GPR158: variants seen among roughly 807,000 people sequenced by gnomAD.
GPR158 encodes the protein metabotropic glycine receptor.
Under a neutral mutation model 78.2 loss-of-function variants are expected in GPR158, and 30 were observed. The observed-to-expected ratio is 0.38, with a 90% CI of 0.29 to 0.52. GPR158 has a LOEUF of 0.52. Among genes scored for constraint, GPR158 ranks in the 20% least tolerant of loss-of-function variants. The pLI, the probability that GPR158 is intolerant of heterozygous loss-of-function variation, is 0.83. For synonymous variants in GPR158, 581 were observed against 591.1 expected (o/e 0.98, Z 0.25); for missense variants, 1,463 against 1,523.5 (o/e 0.96, Z 0.66).
At chr10:25,324,789 A>G (rs1190347755) in intron 2 of GPR158, among the ~76,000 whole-genome samples, 1 of 151,752 alleles carries the variant, frequency 6.6e-6, no homozygotes. Flanking sequence ...AATAAATAAT[A>G]AGTAAAATAT....
rs945756765 is a variant in GPR158, at chr10:25,333,672, A to G, written c.1009-62239A>G. ...AAGAGGAAAAGAATCATTATTTCCT[A>G]GTTTCTAAATATCCTTCAAAATGAG... is the stretch of plus-strand genomic sequence containing the variant. On this transcript the variant is annotated intron_variant, in intron 2 of 10. Coordinates refer to ENST00000376351, the MANE Select transcript of GPR158 (RefSeq NM_020752.3). Among the ~76,000 whole-genome samples, 3 of 152,296 alleles carry G rather than the reference A, an allele frequency of 2.0e-5. No homozygotes were observed. The East Asian group carries it at 5.8e-4, about 29-fold the overall frequency.
At chr10:25,303,502 G>A (rs1004295940) in intron 2 of GPR158, among the ~76,000 whole-genome samples, 2 of 152,200 alleles carry the variant, frequency 1.3e-5, no homozygotes, top group African/African-American at 4.8e-5. Context: ...AGCTGGGAAG[G>A]AAAATAAATA....
chr10:25,512,091 G>A (rs1275905036), intron 5 of GPR158, among the ~76,000 whole-genome samples: 1 of 152,072 alleles, frequency 6.6e-6, no homozygotes, highest in Non-Finnish European at 1.5e-5. Flanking sequence ...GTATTTTGAT[G>A]AGAATTGTAT....
chr10:25,354,452 T>G (rs1855520171), intron 2 of GPR158, among the ~76,000 whole-genome samples: 1 of 152,014 alleles, frequency 6.6e-6, no homozygotes, highest in African/African-American at 2.4e-5. Context: ...CTCTCTACAC[T>G]TTAGCTCCAT....
At chr10:25,451,082 A>G (rs533338613) in intron 4 of GPR158, among the ~76,000 whole-genome samples, 6 of 152,298 alleles carry the variant, frequency 3.9e-5, no homozygotes, top group African/African-American at 1.4e-4. Context: ...AACTTTTTCA[A>G]CAGGTACTGT....
chr10:25,405,211 A>G (rs1453908649), intron 3 of GPR158, among the ~76,000 whole-genome samples: 3 of 152,064 alleles, frequency 2.0e-5, no homozygotes, highest in Non-Finnish European at 4.4e-5. Flanking sequence ...ATAATGCAGA[A>G]ATGATATCTA....
chr10:25,243,744 A>G (rs1853655475), intron 2 of GPR158, among the ~76,000 whole-genome samples: 1 of 152,188 alleles, frequency 6.6e-6, no homozygotes, highest in Non-Finnish European at 1.5e-5. Flanking sequence ...TTGTGTCCCT[A>G]GTACCAGCCA....
At chr10:25,567,302 C>T (rs1349954073) in intron 6 of GPR158, among the ~76,000 whole-genome samples, 1 of 152,196 alleles carries the variant, frequency 6.6e-6, no homozygotes. Flanking sequence ...AAGGCACCTG[C>T]ACCAATCTTA....
rs1554812064 is a variant in GPR158, at chr10:25,540,977, T to TAA, written c.1405-9997_1405-9996dup. On this transcript the variant is annotated intron_variant, in intron 5 of 10. Transcript: ENST00000376351. ...ATATATATATATATATATATATATATAAAGTTTATCTAAAACCTACACCTA... is the reference window on the plus strand; with the variant it reads ...ATATATATATATATATATATATATATAAAAAGTTTATCTAAAACCTACACCTA... Among the ~76,000 whole-genome samples, 219 of 49,570 alleles carry TAA rather than the reference T, an allele frequency of 4.4e-3. 2 individuals are homozygous for TAA. The highest frequency in any genetic ancestry group is 0.022 in the African/African-American group (178 of 7,932). The allele number at this position is 49,570 out of a possible 152,430, so 32.5% of individuals were successfully genotyped here. A position where few individuals can be genotyped will look rare whatever the true frequency, so the allele number is the denominator to read the frequency against.
intron 7 of GPR158, among the ~76,000 whole-genome samples, chr10:25,576,395 G>T (rs1837096700): frequency 6.6e-6 from 1 of 152,074 alleles, no homozygotes; most frequent in Admixed American, 6.6e-5. Context: ...TAGTAACATA[G>T]ACTGTTTTCA....
At chr10:25,408,939 G>A (rs1834551697) in intron 3 of GPR158, among the ~76,000 whole-genome samples, 2 of 152,162 alleles carry the variant, frequency 1.3e-5, no homozygotes, top group South Asian at 4.1e-4. Context: ...TTGGACTCAA[G>A]TGTGCATAAT....
At chr10:25,306,804 T>C (rs1854682059) in intron 2 of GPR158, among the ~76,000 whole-genome samples, 1 of 152,186 alleles carries the variant, frequency 6.6e-6, no homozygotes, top group South Asian at 2.1e-4. Context: ...TTTAAAAATA[T>C]TTATTTCTGT....
chr10:25,363,364 G>T (rs1855670785), intron 2 of GPR158, among the ~76,000 whole-genome samples: 1 of 151,806 alleles, frequency 6.6e-6, no homozygotes, highest in South Asian at 2.1e-4. Flanking sequence ...TAATTCATAT[G>T]ACTAAGCATT....
At chr10:25,233,978 T>C (rs1853489296) in intron 2 of GPR158, among the ~76,000 whole-genome samples, 1 of 152,256 alleles carries the variant, frequency 6.6e-6, no homozygotes, top group Non-Finnish European at 1.5e-5. Flanking sequence ...ATATTTGTTT[T>C]ATTGATTTTA....
chr10:25,596,827 T>A (rs768888041), intron 10 of GPR158, 38 bp downstream of exon 10: 13 of 1,590,410 alleles, frequency 8.2e-6, no homozygotes, highest in Non-Finnish European at 1.0e-5. Flanking sequence ...TATTTCAGAT[T>A]AGCCTTATTT....
At chr10:25,413,593 C>T (rs763089255) in intron 4 of GPR158, among the ~76,000 whole-genome samples, 1 of 152,092 alleles carries the variant, frequency 6.6e-6, no homozygotes, top group African/African-American at 2.4e-5. Context: ...CAGAGTTGTA[C>T]AGATTGGTTT....
At chr10:25,267,249 C>T (rs1854056109) in intron 2 of GPR158, among the ~76,000 whole-genome samples, 1 of 152,062 alleles carries the variant, frequency 6.6e-6, no homozygotes, top group Admixed American at 6.6e-5. Context: ...AGTCCGAGTT[C>T]AGCTTGGCTG....
intron 2 of GPR158, among the ~76,000 whole-genome samples, chr10:25,307,688 T>C (rs1311292643): frequency 6.6e-6 from 1 of 152,328 alleles, no homozygotes; most frequent in South Asian, 2.1e-4. Context: ...TTGAATATTC[T>C]ACTCAATAAT....
chr10:25,264,887 C>T (rs1174338500), intron 2 of GPR158, among the ~76,000 whole-genome samples: 21 of 152,152 alleles, frequency 1.4e-4, no homozygotes, highest in Admixed American at 1.4e-3. Context: ...ACTCTGCGAA[C>T]TATTTTTAAT....
Sources: gnomAD v4.1 joint callset for allele counts (sites outside exome capture counted in the v4.1 genomes callset) on GRCh38, gnomAD v4.1.1 for gene constraint, MANE v1.5 for transcripts, NCBI Gene and HGNC (gene_info 2026-07-23, HGNC 2026-07-21) for gene names.